Variants in TACR3 observed in about 807,000 individuals in gnomAD.
TACR3 encodes the protein tachykinin receptor 3.
Under a neutral mutation model 35.0 loss-of-function variants are expected in TACR3, and 34 were observed. That is an observed-to-expected ratio of 0.97 (90% confidence interval 0.74 to 1.30). TACR3 has a LOEUF of 1.30. Ranked by LOEUF, TACR3 falls within the 50% of genes most tolerant of loss-of-function variation. The pLI is 0.00. For missense variants in TACR3, 558 were observed against 591.7 expected, an observed-to-expected ratio of 0.94 and a Z score of 0.59; for synonymous variants, 233 against 221.1, an observed-to-expected ratio of 1.05 and a Z score of -0.48.
intron 1 of TACR3, among the ~76,000 whole-genome samples, chr4:103,700,337 T>C (rs1722621820): frequency 6.6e-6 from 1 of 152,204 alleles, no homozygotes; most frequent in South Asian, 2.1e-4. Context: ...GATATAATCA[T>C]AGACATACTT....
rs552397040 is a variant in TACR3 at position 103,600,797 on chromosome 4, T to C, written c.889-9114A>G. ...GAGTGAGTTTCTTAATCCTGAGTTC[T>C]AGTTTGATTGCACTGTGGTCTGAGA... On this transcript the variant is annotated intron_variant, in intron 3 of 4. Coordinates refer to ENST00000304883, the MANE Select transcript of TACR3 (RefSeq NM_001059.3). Among the ~76,000 whole-genome samples the C allele has an allele frequency of 5.3e-5, 8 of 152,358 alleles. No homozygotes were observed. The South Asian group carries it at 1.7e-3, about 32-fold the overall frequency.
At chr4:103,711,066 AG>A (rs1413422819) in intron 1 of TACR3, among the ~76,000 whole-genome samples, 2 of 152,192 alleles carry the variant, frequency 1.3e-5, no homozygotes, top group African/African-American at 4.8e-5. Flanking sequence ...CAGAGGTACA[AG>A]GAGGAGCTGG....
At chr4:103,656,607 C>T (rs1725739617) in intron 2 of TACR3, among the ~76,000 whole-genome samples, 1 of 152,050 alleles carries the variant, frequency 6.6e-6, no homozygotes, top group African/African-American at 2.4e-5. Flanking sequence ...AACATAAGTT[C>T]TCCTTGCCTA....
intron 3 of TACR3, among the ~76,000 whole-genome samples, chr4:103,604,199 C>A (rs1241400438): frequency 6.6e-6 from 1 of 152,120 alleles, no homozygotes; most frequent in Admixed American, 6.6e-5. Flanking sequence ...GATATACAAA[C>A]CAATGCAACA....
intron 1 of TACR3, among the ~76,000 whole-genome samples, chr4:103,679,910 A>G (rs1726252662): frequency 6.6e-6 from 1 of 151,908 alleles, no homozygotes; most frequent in African/African-American, 2.4e-5. Context: ...TACAAGCTCT[A>G]TTATATATAT....
At chr4:103,696,109 T>G (rs899237492) in intron 1 of TACR3, among the ~76,000 whole-genome samples, 1 of 152,098 alleles carries the variant, frequency 6.6e-6, no homozygotes, top group Non-Finnish European at 1.5e-5. Flanking sequence ...CTAAATAGTG[T>G]GGAAGTCTGA....
At chr4:103,677,294 G>T (rs556812497) in intron 1 of TACR3, among the ~76,000 whole-genome samples, 1 of 148,688 alleles carries the variant, frequency 6.7e-6, no homozygotes, top group East Asian at 2.2e-4. Context: ...TGTGGAAGAC[G>T]GTGTGGTGAT....
intron 1 of TACR3, among the ~76,000 whole-genome samples, chr4:103,695,794 G>T (rs554597448): frequency 3.3e-5 from 5 of 151,252 alleles, no homozygotes; most frequent in African/African-American, 9.7e-5. Context: ...GATAAATATT[G>T]TTTATTATGT....
intron 3 of TACR3, among the ~76,000 whole-genome samples, chr4:103,597,637 A>T (rs1258761087): frequency 2.1e-5 from 3 of 142,704 alleles, no homozygotes; most frequent in African/African-American, 7.9e-5. Context: ...CCAGTGTGTG[A>T]TGTTCCCCTT....
chr4:103,684,552 C>A (rs1028308813), intron 1 of TACR3, among the ~76,000 whole-genome samples: 1 of 151,800 alleles, frequency 6.6e-6, no homozygotes, highest in Non-Finnish European at 1.5e-5. Context: ...AAATAAAGAC[C>A]GAAATAGGTG....
At chr4:103,595,977 A>G (rs181425710) in intron 3 of TACR3, among the ~76,000 whole-genome samples, 2,135 of 143,170 alleles carry the variant, frequency 0.015, 48 homozygotes, top group African/African-American at 0.053. Flanking sequence ...TTCAATACCC[A>G]CCTATGAGTG....
intron 4 of TACR3, among the ~76,000 whole-genome samples, chr4:103,590,412 T>A (rs1175334809): frequency 6.6e-6 from 1 of 152,188 alleles, no homozygotes; most frequent in African/African-American, 2.4e-5. Flanking sequence ...TCAGAAATGA[T>A]TACACATTTA....
At position 103,615,398 on chromosome 4, in the gene TACR3, TGAGAGAGAGAGAGA is replaced by T. The variant is rs111766715; in HGVS notation, c.889-23729_889-23716del. Among the ~76,000 whole-genome samples, 952 of 117,224 alleles carry T rather than the reference TGAGAGAGAGAGAGA, an allele frequency of 8.1e-3. 28 individuals carry two copies. Among genetic ancestry groups the T allele is most frequent in the Admixed American group, 0.049 (594 of 12,244 alleles). The allele number at this position is 117,224 out of a possible 152,430, so 76.9% of individuals were successfully genotyped here. ...TATCGTGTGTGTGTGTGTGTGTGTG[TGAGAGAGAGAGAGA>T]GAGAGAGAGAGAGAGAGAGGGAAAT... On this transcript the variant is annotated intron_variant, in intron 3 of 4. Coordinates refer to ENST00000304883, the MANE Select transcript of TACR3 (RefSeq NM_001059.3).
chr4:103,627,004 C>G (rs59587616), intron 3 of TACR3, among the ~76,000 whole-genome samples: 1 of 149,006 alleles, frequency 6.7e-6, no homozygotes, highest in East Asian at 2.0e-4. Flanking sequence ...AAAACCCCAT[C>G]TCTGTGAAAA....
intron 1 of TACR3, among the ~76,000 whole-genome samples, chr4:103,701,208 A>G (rs1299681880): frequency 6.6e-6 from 1 of 152,152 alleles, no homozygotes; most frequent in East Asian, 1.9e-4. Flanking sequence ...AAGTCTCAGG[A>G]TACAAAATCA....
chr4:103,668,363 C>T (rs1481446549), intron 1 of TACR3, among the ~76,000 whole-genome samples: 1 of 152,052 alleles, frequency 6.6e-6, no homozygotes, highest in African/African-American at 2.4e-5. Context: ...TGATAAAATG[C>T]TAATGATCAT....
intron 3 of TACR3, among the ~76,000 whole-genome samples, chr4:103,637,894 C>A (rs1474693055): frequency 1.3e-5 from 2 of 151,998 alleles, no homozygotes; most frequent in Non-Finnish European, 2.9e-5. Flanking sequence ...ATGTGAAGGA[C>A]CTCTTCAAGG....
intron 1 of TACR3, among the ~76,000 whole-genome samples, chr4:103,687,771 T>G (rs1465551936): frequency 6.6e-6 from 1 of 152,150 alleles, no homozygotes; most frequent in East Asian, 1.9e-4. Context: ...TGGAAGAACA[T>G]TCCATGCTCA....
intron 1 of TACR3, among the ~76,000 whole-genome samples, chr4:103,703,075 ATGTTGCTG>A (rs1352631710): frequency 6.6e-6 from 1 of 152,098 alleles, no homozygotes; most frequent in African/African-American, 2.4e-5. Flanking sequence ...ATAAAATAAA[ATGTTGCTG>A]TAAAAAATAT....
Sources: allele counts gnomAD v4.1 joint callset (sites outside exome capture counted in the v4.1 genomes callset), GRCh38; gene constraint gnomAD v4.1.1; transcripts MANE v1.5; gene names NCBI Gene and HGNC (gene_info 2026-07-23, HGNC 2026-07-21).